KAZN: variants seen among roughly 807,000 people sequenced by gnomAD.
KAZN encodes kazrin, periplakin interacting protein, also known as kazrin.
Under a neutral mutation model 87.4 loss-of-function variants are expected in KAZN, and 40 were observed. The observed-to-expected ratio is 0.46, with a 90% confidence interval of 0.36 to 0.60. The LOEUF is 0.60. Ranked by LOEUF, KAZN falls within the 20% of genes least tolerant of loss-of-function variation. The pLI is 0.00. For synonymous variants in KAZN, 466 were observed against 458.3 expected (o/e 1.02, Z -0.22); for missense variants, 898 against 1,073.9 (o/e 0.84, Z 2.29).
chr1:14,345,162 C>T (rs1198080084), intron 2 of KAZN, among the ~76,000 whole-genome samples: 1 of 152,160 alleles, frequency 6.6e-6, no homozygotes, highest in African/African-American at 2.4e-5. Flanking sequence ...AGGTGATCTG[C>T]CTGCCTCAGC....
rs188164321 is a variant in KAZN, at chr1:14,064,492, T to A, written c.92-115943T>A. Among the ~76,000 whole-genome samples the A allele has an allele frequency of 6.6e-5, 10 of 152,316 alleles. No individual in the cohort carries two copies. The East Asian group carries it at 1.9e-3, about 29-fold the overall frequency. On this transcript the variant is annotated intron_variant, in intron 1 of 16. Transcript: ENST00000636203. ...GGACCCCTGCTTGGAGCCCATGCTG[T>A]AGAGGGGCTCACTAAGCTGAACCAC...
In KAZN at chr1:14,436,728, A is replaced by C. The variant is rs10927435; in HGVS notation, c.250-162255A>C. ...GCGAGACTCTGTCTCAAAAAAAAAA[A>C]AAAAAAAAAACCTTAAAACAATCCT... is the stretch of plus-strand genomic sequence containing the variant. On this transcript the variant is annotated intron_variant, in intron 2 of 16. Coordinates refer to the KAZN transcript ENST00000636203. Among the ~76,000 whole-genome samples, 6 of 29,354 alleles carry C rather than the reference A, an allele frequency of 2.0e-4. No individual in the cohort carries two copies. The East Asian group carries it at 2.5e-3, about 12-fold the overall frequency. The allele number at this position is 29,354 out of a possible 152,430, so 19.3% of individuals were successfully genotyped here.
chr1:14,815,047 C>G (rs1374655908), intron 1 of KAZN, among the ~76,000 whole-genome samples: 1 of 152,110 alleles, frequency 6.6e-6, no homozygotes, highest in Non-Finnish European at 1.5e-5. Flanking sequence ...CTGAGTGGGG[C>G]TCTGATCAGG....
intron 1 of KAZN, among the ~76,000 whole-genome samples, chr1:13,894,329 G>A (rs1041975167): frequency 1.3e-5 from 2 of 152,108 alleles, no homozygotes; most frequent in Admixed American, 6.5e-5. Flanking sequence ...TATACAGAAG[G>A]GAAAGATTGG....
In KAZN at chr1:15,068,812, T is replaced by C. The variant is rs377225436; in HGVS notation, c.1222+3059T>C. ...ATATCTCCCAACTGAAAAAAAATTT[T>C]CCCCGGCAATAAGACTGATGGAGGG... is the stretch of plus-strand genomic sequence containing the variant. On this transcript the variant is annotated intron_variant, in intron 8 of 14. Transcript: ENST00000376030. 2.6e-3 allele frequency among the ~76,000 whole-genome samples: 397 copies of C among 152,054 alleles called. 4 individuals are homozygous for C. In the South Asian group the frequency reaches 0.041, roughly 16 times the overall value.
At chr1:14,986,016 A>AC (rs1666782864) in intron 2 of KAZN, among the ~76,000 whole-genome samples, 1 of 150,800 alleles carries the variant, frequency 6.6e-6, no homozygotes, top group South Asian at 2.1e-4. Flanking sequence ...AAAAAAAAAA[A>AC]AAAAAAAAGG....
intron 2 of KAZN, among the ~76,000 whole-genome samples, chr1:14,182,271 A>G (rs1031383524): frequency 1.4e-4 from 21 of 152,186 alleles, no homozygotes; most frequent in African/African-American, 4.8e-4. Flanking sequence ...TCATATGCTA[A>G]AAAGGAAGGT....
At chr1:14,364,384 C>T (rs1434954628) in intron 2 of KAZN, among the ~76,000 whole-genome samples, 2 of 152,098 alleles carry the variant, frequency 1.3e-5, no homozygotes, top group South Asian at 2.1e-4. Context: ...CTACAACGAT[C>T]GAATGGGATA....
At chr1:14,855,991 G>C (rs963832124) in intron 1 of KAZN, among the ~76,000 whole-genome samples, 1 of 152,158 alleles carries the variant, frequency 6.6e-6, no homozygotes, top group Non-Finnish European at 1.5e-5. Flanking sequence ...CAAAATGATG[G>C]TACATTTACT....
chr1:14,736,362 G>T (rs1425112376), intron 1 of KAZN, among the ~76,000 whole-genome samples: 2 of 148,734 alleles, frequency 1.3e-5, no homozygotes, highest in Admixed American at 1.3e-4. Context: ...TCAATGGCGT[G>T]ATCTCGGCTC....
chr1:14,647,072 T>C (rs1680863143), intron 1 of KAZN, among the ~76,000 whole-genome samples: 2 of 152,344 alleles, frequency 1.3e-5, no homozygotes, highest in Middle Eastern at 3.4e-3. Flanking sequence ...GTTCCAACAA[T>C]AGGCCGACAT....
chr1:14,252,033 C>A (rs1479479767), intron 2 of KAZN, among the ~76,000 whole-genome samples: 1 of 152,108 alleles, frequency 6.6e-6, no homozygotes, highest in East Asian at 1.9e-4. Flanking sequence ...GGGGACACTG[C>A]AGTCTTGGAA....
chr1:14,305,388 TA>T (rs1654847808), intron 2 of KAZN, among the ~76,000 whole-genome samples: 1 of 152,188 alleles, frequency 6.6e-6, no homozygotes, highest in African/African-American at 2.4e-5. Flanking sequence ...CTTGCATTTT[TA>T]GGGAGTGAAG....
At chr1:14,377,611 A>T (rs1268354440) in intron 2 of KAZN, among the ~76,000 whole-genome samples, 1 of 152,162 alleles carries the variant, frequency 6.6e-6, no homozygotes, top group Non-Finnish European at 1.5e-5. Flanking sequence ...TCTACTGGTG[A>T]GTCATTGGCA....
chr1:15,067,776 G>A (rs1278808372), intron 8 of KAZN: 36 of 985,218 alleles, frequency 3.7e-5, no homozygotes, highest in South Asian at 4.7e-5. Flanking sequence ...CTGTTTAACC[G>A]AGCCTAGGGG....
At chr1:14,045,324 A>G (rs1041927023) in intron 1 of KAZN, among the ~76,000 whole-genome samples, 2 of 152,216 alleles carry the variant, frequency 1.3e-5, no homozygotes, top group Non-Finnish European at 2.9e-5. Context: ...TAGCAAAAAG[A>G]GGCAACTCAC....
chr1:14,877,409 T>C (rs1652888075), intron 1 of KAZN, among the ~76,000 whole-genome samples: 1 of 152,200 alleles, frequency 6.6e-6, no homozygotes, highest in Non-Finnish European at 1.5e-5. Flanking sequence ...GCCATGGGGA[T>C]AGGGTGCATG....
At chr1:14,122,831 T>C (rs540210891) in intron 1 of KAZN, among the ~76,000 whole-genome samples, 261 of 152,308 alleles carry the variant, frequency 1.7e-3, no homozygotes, top group Non-Finnish European at 2.7e-3. Context: ...TCCTTGTTTT[T>C]GGACAAAAAT....
Position 14,769,890 on chromosome 1 carries a change from G to C in KAZN, c.226+170667G>C, listed in dbSNP as rs1644977164. Among the ~76,000 whole-genome samples the C allele has an allele frequency of 6.6e-6, 1 of 152,320 alleles. No homozygotes were observed. The highest frequency in any genetic ancestry group is 1.9e-4 in the East Asian group (1 of 5,170). ...TTCTGGGTTTGGGACCGGGCTATAG[G>C]ATCCTAAGTGTAGGAGTGTAACTCA... is the stretch of plus-strand genomic sequence containing the variant. On this transcript the variant is annotated intron_variant, in intron 1 of 14. Coordinates refer to ENST00000376030, the MANE Select transcript of KAZN (RefSeq NM_201628.3). The surrounding 1 kb of genome is among the most constrained non-coding windows in gnomAD (Gnocchi z 4.1).
Sources: gnomAD v4.1 joint callset for allele counts (sites outside exome capture counted in the v4.1 genomes callset) on GRCh38, gnomAD v4.1.1 for gene constraint, Gnocchi (gnomAD v3.1) non-coding constraint, MANE v1.5 for transcripts, NCBI Gene and HGNC (gene_info 2026-07-23, HGNC 2026-07-21) for gene names.